Variants in ACSL3 observed in about 807,000 individuals in gnomAD.
The protein encoded by ACSL3 is acyl-CoA synthetase long chain family member 3.
In ACSL3, 34 loss-of-function variants were observed where a neutral mutation model predicts 84.7. The observed-to-expected ratio is 0.40, with a 90% CI of 0.31 to 0.53. ACSL3 has a LOEUF of 0.53. Among genes scored for constraint, ACSL3 ranks in the 20% least tolerant of loss-of-function variants. The probability of loss-of-function intolerance (pLI) is 0.48; values close to 1 mark genes in which losing one functional copy is unlikely to be tolerated. For missense variants in ACSL3, 680 were observed against 873.1 expected, an observed-to-expected ratio of 0.78 and a Z score of 2.79; for synonymous variants, 315 against 299.4, an observed-to-expected ratio of 1.05 and a Z score of -0.54.
intron 3 of ACSL3, among the ~76,000 whole-genome samples, chr2:222,907,523 G>C (rs1399673954): frequency 1.3e-5 from 2 of 152,122 alleles, no homozygotes; most frequent in Non-Finnish European, 2.9e-5. Context: ...CACTTTGGGA[G>C]GCTCAGGTGG....
intron 1 of ACSL3, among the ~76,000 whole-genome samples, chr2:222,881,454 T>C (rs917215276): frequency 6.6e-6 from 1 of 152,274 alleles, no homozygotes; most frequent in Admixed American, 6.5e-5. Context: ...TATACTGTTT[T>C]TAAGTTTAAG....
At chr2:222,923,019 A>C (rs1696781430) in intron 9 of ACSL3, 59 bp from the exon 10 acceptor site, 1 of 1,424,324 alleles carries the variant, frequency 7.0e-7, no homozygotes, top group Non-Finnish European at 9.7e-7. Context: ...ATCTAAGAAT[A>C]CCATTGAATT....
At chr2:222,924,669 T>A in intron 11 of ACSL3, 74 bp downstream of exon 11, 1 of 1,338,306 alleles carries the variant, frequency 7.5e-7, no homozygotes, top group Non-Finnish European at 1.0e-6. Context: ...AATAGCCCAA[T>A]TAATTGAGAT....
At chr2:222,940,033 A>G (rs10804312) in intron 16 of ACSL3, among the ~76,000 whole-genome samples, 149,719 of 152,344 alleles carry the variant, frequency 0.98, 73,587 homozygotes, top group East Asian at 1. Context: ...TTTGTTGAAC[A>G]AATGCTTAGA....
chr2:222,916,093 A>AC (rs1314998933), intron 4 of ACSL3, among the ~76,000 whole-genome samples: 1 of 151,940 alleles, frequency 6.6e-6, no homozygotes, highest in Non-Finnish European at 1.5e-5. Flanking sequence ...AAGCCAAAAA[A>AC]CCCCCCAGTT....
intron 1 of ACSL3, among the ~76,000 whole-genome samples, chr2:222,882,248 T>G (rs1230365573): frequency 6.6e-6 from 1 of 152,246 alleles, no homozygotes; most frequent in Non-Finnish European, 1.5e-5. Flanking sequence ...AATTTCTTTA[T>G]TCTACTTGCA....
At chr2:222,883,472 C>G (rs1175328930) in intron 1 of ACSL3, among the ~76,000 whole-genome samples, 1 of 152,110 alleles carries the variant, frequency 6.6e-6, no homozygotes, top group Admixed American at 6.6e-5. Flanking sequence ...CGTGAGCCAC[C>G]ATGCCCAGCC....
intron 1 of ACSL3, among the ~76,000 whole-genome samples, chr2:222,887,533 C>T (rs945035360): frequency 7.9e-5 from 12 of 152,176 alleles, no homozygotes; most frequent in African/African-American, 2.2e-4. Context: ...TTTTGCATTC[C>T]CACCAGCAAT....
chr2:222,881,555 C>T (rs1483403401), intron 1 of ACSL3, among the ~76,000 whole-genome samples: 1 of 152,198 alleles, frequency 6.6e-6, no homozygotes, highest in Non-Finnish European at 1.5e-5. Flanking sequence ...TCACTCTTGT[C>T]GCCCAGGCTG....
Position 222,862,937 on chromosome 2 carries a change from A to G in ACSL3, c.-207+1679A>G, listed in dbSNP as rs201769092. Among the ~76,000 whole-genome samples, 3 of 152,196 alleles carry G rather than the reference A, an allele frequency of 2.0e-5. No homozygotes were observed. In the East Asian group the frequency reaches 5.8e-4, roughly 29 times the overall value. ...AAGAACGCACAAATTATAAGGGGAA[A>G]ATCATCCTCTGTCTGGTTTGGGGTG... On this transcript the variant is annotated intron_variant, in intron 1 of 16. Coordinates refer to ENST00000357430, the MANE Select transcript of ACSL3 (RefSeq NM_004457.5).
intron 1 of ACSL3, among the ~76,000 whole-genome samples, chr2:222,882,967 C>G (rs1695628259): frequency 2.6e-5 from 3 of 117,126 alleles, no homozygotes. Context: ...TGGGGTTTCG[C>G]TGTGTTAGCC....
At chr2:222,874,261 G>T (rs894281673) in intron 1 of ACSL3, among the ~76,000 whole-genome samples, 1 of 152,324 alleles carries the variant, frequency 6.6e-6, no homozygotes, top group South Asian at 2.1e-4. Context: ...CTGACCTCAG[G>T]TGATCCGTCT....
At chr2:222,932,017 A>G (rs1421258843) in intron 14 of ACSL3, among the ~76,000 whole-genome samples, 1 of 152,204 alleles carries the variant, frequency 6.6e-6, no homozygotes, top group Non-Finnish European at 1.5e-5. Context: ...TATGAGCAAC[A>G]GAGTGAGACC....
chr2:222,918,798 G>A (rs1374065050), intron 6 of ACSL3, among the ~76,000 whole-genome samples: 7 of 151,756 alleles, frequency 4.6e-5, no homozygotes, highest in Admixed American at 1.3e-4. Context: ...TTACATGCCC[G>A]TTTTATAAGG....
chr2:222,936,191 T>C lies in ACSL3; in HGVS notation c.2005+1504T>C, dbSNP rs146360169. 1.9e-3 allele frequency among the ~76,000 whole-genome samples: 287 copies of C among 152,326 alleles called. 1 individual carries two copies. The highest frequency in any genetic ancestry group is 6.6e-3 in the African/African-American group (273 of 41,570). On this transcript the variant is annotated intron_variant, in intron 16 of 16. Coordinates refer to ENST00000357430, the MANE Select transcript of ACSL3 (RefSeq NM_004457.5). ...TTGGGTTGTTTCTACCTTTTGGGTATTGTGAATAATGCTGTGATGAACATA... is the reference window on the plus strand; with the variant it reads ...TTGGGTTGTTTCTACCTTTTGGGTACTGTGAATAATGCTGTGATGAACATA...
Position 222,941,767 on chromosome 2 carries a change from C to T in ACSL3, c.*113C>T, listed in dbSNP as rs966227785. The T allele has an allele frequency of 4.1e-5, 47 of 1,156,378 alleles. No homozygotes were observed. In the East Asian group the frequency reaches 1.2e-3, roughly 28 times the overall value. The allele number at this position is 1,156,378 out of a possible 1,614,324, so 71.6% of individuals were successfully genotyped here. On this transcript the variant is annotated 3_prime_UTR_variant, in exon 17 of 17. Coordinates refer to ENST00000357430, the MANE Select transcript of ACSL3 (RefSeq NM_004457.5). ...CTCCATTCCTCATATTAAACTATTA[C>T]TTCTCATGACGTCACCATTTTTAAC...
chr2:222,936,261 A>G lies in ACSL3; in HGVS notation c.2005+1574A>G, dbSNP rs1047315766. On this transcript the variant is annotated intron_variant, in intron 16 of 16. Coordinates refer to ENST00000357430, the MANE Select transcript of ACSL3 (RefSeq NM_004457.5). ...GAGATTCTGCTTTGAATTATTTTGGATATATACCCAGAAATGAGATTGTTA... is the reference window on the plus strand; with the variant it reads ...GAGATTCTGCTTTGAATTATTTTGGGTATATACCCAGAAATGAGATTGTTA... Among the ~76,000 whole-genome samples, 12 of 152,136 alleles carry G rather than the reference A, an allele frequency of 7.9e-5. No homozygotes were observed. In the East Asian group the frequency reaches 1.7e-3, roughly 22 times the overall value.
At chr2:222,922,099 T>A (rs1696756965) in intron 8 of ACSL3, among the ~76,000 whole-genome samples, 1 of 152,208 alleles carries the variant, frequency 6.6e-6, no homozygotes, top group South Asian at 2.1e-4. Context: ...AGTGCAACAA[T>A]TTTCTTACAG....
At position 222,929,003 on chromosome 2, in the gene ACSL3, C is replaced by T. The variant is rs569756516; in HGVS notation, c.1540+67C>T. 8 of 1,336,418 alleles carry T rather than the reference C, an allele frequency of 6.0e-6. No homozygotes were observed. In the East Asian group the frequency reaches 1.6e-4, roughly 27 times the overall value. The allele number at this position is 1,336,418 out of a possible 1,614,324, so 82.8% of individuals were successfully genotyped here. On this transcript the variant is annotated intron_variant, in intron 13 of 16. Coordinates refer to ENST00000357430, the MANE Select transcript of ACSL3 (RefSeq NM_004457.5). Reference sequence around the variant, plus strand: ...ATTAAACTTGAAAATTAGTGCTTCACTTTCTTGCTTTAGAATGTAAACACC... The same window carrying T: ...ATTAAACTTGAAAATTAGTGCTTCATTTTCTTGCTTTAGAATGTAAACACC...
Sources: gnomAD v4.1 joint callset for allele counts (sites outside exome capture counted in the v4.1 genomes callset) on GRCh38, gnomAD v4.1.1 for gene constraint, MANE v1.5 for transcripts, NCBI Gene and HGNC (gene_info 2026-07-23, HGNC 2026-07-21) for gene names.